The following UBE2L3 variants were observed in gnomAD, a reference collection of about 807,000 sequenced individuals.
The protein encoded by UBE2L3 is ubiquitin conjugating enzyme E2 L3.
Under a neutral mutation model 17.8 loss-of-function variants are expected in UBE2L3, and 1 was observed. The ratio of observed to expected loss-of-function variants is 0.06; its 90% CI spans 0.02 to 0.27. The LOEUF (loss-of-function observed/expected upper bound fraction) is 0.27, where lower values mean the gene tolerates loss of function less well. UBE2L3 is among the 10% of genes least tolerant of loss of function. The probability of loss-of-function intolerance (pLI) is 1.00; values close to 1 mark genes in which losing one functional copy is unlikely to be tolerated. For synonymous variants in UBE2L3, 44 were observed against 68.5 expected (o/e 0.64, Z 1.76); for missense variants, 40 against 192.6 (o/e 0.21, Z 4.69).
intron 2 of UBE2L3, among the ~76,000 whole-genome samples, chr22:21,605,294 T>C (rs1296035412): frequency 1.3e-5 from 2 of 152,192 alleles, no homozygotes; most frequent in Non-Finnish European, 2.9e-5. Flanking sequence ...CTTGGCTCAC[T>C]GCAGCCGGTG....
intron 1 of UBE2L3, chr22:21,568,044 G>A (rs1033981703): frequency 2.0e-5 from 26 of 1,284,620 alleles, no homozygotes; most frequent in Non-Finnish European, 2.6e-5. Context: ...GCTTGGCCGC[G>A]TCCCCCTGTC....
chr22:21,599,569 G>A (rs757699593), intron 2 of UBE2L3, among the ~76,000 whole-genome samples: 1 of 152,138 alleles, frequency 6.6e-6, no homozygotes. Context: ...GCAGGGCAGC[G>A]GTGGGTGGGA....
At position 21,610,994 on chromosome 22, in the gene UBE2L3, G is replaced by A; in HGVS notation, c.261G>A (p.Leu87=). Residue 87 remains leucine, a synonymous_variant, in exon 3 of 4, where the codon CTG becomes CTA. Transcript: ENST00000342192. ...PNIDEKGQVC[L]PVISAENWKP... ...TCGACGAAAAGGGGCAGGTCTGTCT[G>A]CCAGTAATTAGTGCCGAAAACTGGA... 1.2e-6 allele frequency: 2 copies of A among 1,612,018 alleles called. No homozygotes were observed. The highest frequency in any genetic ancestry group is 1.7e-6 in the Non-Finnish European group (2 of 1,179,374).
upstream of UBE2L3, among the ~76,000 whole-genome samples, chr22:21,565,103 A>G (rs766437939): frequency 1.3e-5 from 2 of 151,744 alleles, no homozygotes; most frequent in Non-Finnish European, 2.9e-5. Context: ...CTATATATAT[A>G]TATTTTTGAG....
chr22:21,571,438 C>G (rs996940616), intron 1 of UBE2L3, among the ~76,000 whole-genome samples: 1 of 152,154 alleles, frequency 6.6e-6, no homozygotes, highest in African/African-American at 2.4e-5. Context: ...TAAGGAGTTT[C>G]ACTCTTGTTG....
intron 1 of UBE2L3, among the ~76,000 whole-genome samples, chr22:21,578,639 T>C (rs1027478956): frequency 4.0e-4 from 61 of 152,136 alleles, no homozygotes; most frequent in African/African-American, 1.5e-3. Flanking sequence ...CTTCCAGGAA[T>C]GAGGCCCGGC....
intron 1 of UBE2L3, chr22:21,568,520 G>T: frequency 1.3e-6 from 1 of 792,292 alleles, no homozygotes; most frequent in Non-Finnish European, 1.5e-6. Context: ...TCAGTCGTTC[G>T]AATCAAAACG....
At chr22:21,583,679 C>T (rs1258685767) in intron 1 of UBE2L3, among the ~76,000 whole-genome samples, 1 of 152,124 alleles carries the variant, frequency 6.6e-6, no homozygotes, top group African/African-American at 2.4e-5. Flanking sequence ...CCCTGTCTGC[C>T]CCACCCATTT....
intron 1 of UBE2L3, among the ~76,000 whole-genome samples, chr22:21,572,436 A>AG (rs1353042143): frequency 1.3e-5 from 2 of 151,172 alleles, no homozygotes; most frequent in African/African-American, 2.4e-5. Context: ...AAAAAAAAAA[A>AG]AAAAAGAAAA....
chr22:21,569,504 C>CT (rs1926842552), intron 1 of UBE2L3, among the ~76,000 whole-genome samples: 1 of 151,962 alleles, frequency 6.6e-6, no homozygotes, highest in Non-Finnish European at 1.5e-5. Context: ...CCCAAGTGCT[C>CT]TCCTCCCCAG....
Position 21,558,584 on chromosome 22 carries a change from T to C in UBE2L3, c.201+8934T>C, listed in dbSNP as rs532456559. 1.7e-4 allele frequency among the ~76,000 whole-genome samples: 23 copies of C among 133,186 alleles called. No homozygotes were observed. In the East Asian group the frequency reaches 3.1e-3, roughly 18 times the overall value. The allele number at this position is 133,186 out of a possible 152,430, so 87.4% of individuals were successfully genotyped here. A position where few individuals can be genotyped will look rare whatever the true frequency, so the allele number is the denominator to read the frequency against. On this transcript the variant is annotated intron_variant, in intron 1 of 3. Coordinates refer to the UBE2L3 transcript ENST00000458578. ...AGGCAGAGCTTGCAGTGAGCCAAGA[T>C]AGCACCACTGCACTCCAGCCTGGCG...
At chr22:21,582,970 C>G (rs1462481377) in intron 1 of UBE2L3, among the ~76,000 whole-genome samples, 1 of 152,184 alleles carries the variant, frequency 6.6e-6, no homozygotes, top group Non-Finnish European at 1.5e-5. Flanking sequence ...GCTCTCCTTC[C>G]TTCTCCCCTG....
At chr22:21,574,647 A>G (rs1927164410) in intron 1 of UBE2L3, among the ~76,000 whole-genome samples, 2 of 152,130 alleles carry the variant, frequency 1.3e-5, no homozygotes, top group Admixed American at 1.3e-4. Context: ...AGTTACTGAG[A>G]CAGCTGTGTG....
intron 2 of UBE2L3, among the ~76,000 whole-genome samples, chr22:21,609,904 T>C (rs1032587821): frequency 6.6e-6 from 1 of 152,136 alleles, no homozygotes; most frequent in Non-Finnish European, 1.5e-5. Context: ...CGGGTGCCTG[T>C]AATCCCAGCT....
At chr22:21,613,121 C>T (rs1377869961) in intron 3 of UBE2L3, among the ~76,000 whole-genome samples, 1 of 152,164 alleles carries the variant, frequency 6.6e-6, no homozygotes, top group Non-Finnish European at 1.5e-5. Context: ...GTTCTGGCCA[C>T]AAAGAGTTCT....
intron 1 of UBE2L3, among the ~76,000 whole-genome samples, chr22:21,584,136 A>G (rs1927803356): frequency 6.6e-6 from 1 of 151,778 alleles, no homozygotes; most frequent in Non-Finnish European, 1.5e-5. Context: ...TGGCCTCCCA[A>G]AGTGCTGGGA....
upstream of UBE2L3, among the ~76,000 whole-genome samples, chr22:21,564,377 T>G (rs1459133515): frequency 6.6e-6 from 1 of 152,086 alleles, no homozygotes; most frequent in Non-Finnish European, 1.5e-5. Flanking sequence ...AGGATAGGTC[T>G]GTATGAACAA....
At chr22:21,572,238 G>A (rs960850731) in intron 1 of UBE2L3, among the ~76,000 whole-genome samples, 2 of 152,110 alleles carry the variant, frequency 1.3e-5, no homozygotes, top group East Asian at 3.9e-4. Context: ...TTCGAGACCA[G>A]CCTGGCCAAC....
rs561166593 is a variant in UBE2L3, at chr22:21,595,914, G to A, written c.123+2958G>A. On this transcript the variant is annotated intron_variant, in intron 2 of 3. Coordinates refer to ENST00000342192, the MANE Select transcript of UBE2L3 (RefSeq NM_003347.4). ...AATTGAGTTGGAGTCTCGCTCTGTCGCTATGCAGTGGCACGATCTCGGCTC... is the reference window on the plus strand; with the variant it reads ...AATTGAGTTGGAGTCTCGCTCTGTCACTATGCAGTGGCACGATCTCGGCTC... Among the ~76,000 whole-genome samples the A allele has an allele frequency of 2.0e-5, 3 of 151,878 alleles. No homozygotes were observed. In the South Asian group the frequency reaches 6.2e-4, roughly 32 times the overall value.
Sources: gnomAD v4.1 joint callset for allele counts (sites outside exome capture counted in the v4.1 genomes callset) on GRCh38, gnomAD v4.1.1 for gene constraint, MANE v1.5 for transcripts, NCBI Gene and HGNC (gene_info 2026-07-23, HGNC 2026-07-21) for gene names.